CERS3: variants seen among roughly 807,000 people sequenced by gnomAD.
CERS3 encodes the protein ceramide synthase 3.
CERS3 carries 33 observed loss-of-function variants against 50.3 expected under a neutral mutation model. The observed-to-expected ratio is 0.66, with a 90% confidence interval of 0.50 to 0.88. CERS3 has a LOEUF of 0.88. Among genes scored for constraint, CERS3 ranks in the 40% least tolerant of loss-of-function variants. The pLI is 0.00. For synonymous variants in CERS3, 176 were observed against 155.2 expected (o/e 1.13, Z -0.99); for missense variants, 470 against 460.3 (o/e 1.02, Z -0.19).
In CERS3 at chr15:100,419,569, G is replaced by A. The variant is rs1324262895; in HGVS notation, c.1000-16704C>T. On this transcript the variant is annotated intron_variant, in intron 11 of 11. Coordinates refer to ENST00000679737, the MANE Select transcript of CERS3 (RefSeq NM_001378789.1). ...ATACCCAGGAATTGAACTCAGCTCT[G>A]CACCAAGCAGACCTAATAGACATCT... 2.5e-3 allele frequency among the ~76,000 whole-genome samples: 355 copies of A among 140,574 alleles called. 1 individual carries two copies. The highest frequency in any genetic ancestry group is 9.2e-3 in the African/African-American group (345 of 37,402). 92.2% of individuals were successfully genotyped at this position (140,574 alleles called of 152,430 possible).
chr15:100,476,217 C>T, intron 7 of CERS3, 39 bp from the exon 8 acceptor site: 12 of 1,372,158 alleles, frequency 8.7e-6, no homozygotes, highest in Non-Finnish European at 1.2e-5. Flanking sequence ...TAAATGCCAT[C>T]ATAGAAGCAA....
At chr15:100,447,001 T>C (rs1179448651) in intron 11 of CERS3, among the ~76,000 whole-genome samples, 1 of 152,334 alleles carries the variant, frequency 6.6e-6, no homozygotes, top group Admixed American at 6.5e-5. Context: ...CTGAAAGAAA[T>C]TGAAATATTT....
rs907066205 is a variant in CERS3, at chr15:100,401,512, C to A, written c.*1201G>T. On this transcript the variant is annotated 3_prime_UTR_variant, in exon 12 of 12. Coordinates refer to ENST00000679737, the MANE Select transcript of CERS3 (RefSeq NM_001378789.1). The stretch of plus-strand genomic sequence containing the variant: ...CAGGGAGCTGGCACTGACTCTAGCA[C>A]CTGCCCTTAAACATTTCTCAGGGGT... The A allele has an allele frequency of 1.3e-5, 2 of 152,404 alleles. No individual in the cohort carries two copies. The highest frequency in any genetic ancestry group is 2.9e-5 in the Non-Finnish European group (2 of 68,178). The allele number at this position is 152,404 out of a possible 1,614,324, so 9.4% of individuals were successfully genotyped here. A position where few individuals can be genotyped will look rare whatever the true frequency, so the allele number is the denominator to read the frequency against.
In CERS3 at chr15:100,405,239, AAAAAAAAAAC is replaced by A. The variant is rs1244720014; in HGVS notation, c.1000-2384_1000-2375del. On this transcript the variant is annotated intron_variant, in intron 11 of 11. Coordinates refer to ENST00000679737, the MANE Select transcript of CERS3 (RefSeq NM_001378789.1). ...AACTCTCAAAACTCAATGGTAAAAA[AAAAAAAAAAC>A]AAAAAAAAACCCCTAATTTAAAAAA... 7.8e-3 allele frequency among the ~76,000 whole-genome samples: 422 copies of A among 53,934 alleles called. No homozygotes were observed. In the East Asian group the frequency reaches 0.09, roughly 11 times the overall value. 35.4% of individuals were successfully genotyped at this position (53,934 alleles called of 152,430 possible). A position where few individuals can be genotyped will look rare whatever the true frequency, so the allele number is the denominator to read the frequency against.
At chr15:100,503,385 T>C (rs2036068525) in intron 2 of CERS3, among the ~76,000 whole-genome samples, 1 of 152,140 alleles carries the variant, frequency 6.6e-6, no homozygotes, top group Admixed American at 6.5e-5. Context: ...CTTTGGACAA[T>C]AAATCATATG....
At chr15:100,539,541 G>A (rs896075748) in intron 1 of CERS3, among the ~76,000 whole-genome samples, 1 of 152,238 alleles carries the variant, frequency 6.6e-6, no homozygotes, top group African/African-American at 2.4e-5. Context: ...GGGAAGAAAA[G>A]TGCTGAGTGA....
chr15:100,466,840 C>CTCT (rs1555528083), intron 10 of CERS3, among the ~76,000 whole-genome samples: 2,026 of 28,256 alleles, frequency 0.072, 480 homozygotes, highest in Middle Eastern at 0.097. Flanking sequence ...TCCCTCTCTC[C>CTCT]CTCTCTCTTT....
At chr15:100,537,990 G>A (rs1456781971) in intron 1 of CERS3, among the ~76,000 whole-genome samples, 2 of 152,154 alleles carry the variant, frequency 1.3e-5, no homozygotes, top group Non-Finnish European at 2.9e-5. Flanking sequence ...ATTCAAAATG[G>A]GTGAAATTGG....
At chr15:100,431,501 T>G (rs1359140816) in intron 11 of CERS3, among the ~76,000 whole-genome samples, 1 of 152,196 alleles carries the variant, frequency 6.6e-6, no homozygotes. Flanking sequence ...AGTCCACTAA[T>G]TTTGTAATAT....
chr15:100,466,841 C>CTTTCTCTCTTTCTCTTTCTCTCTT (rs1567638733), intron 10 of CERS3, among the ~76,000 whole-genome samples: 1 of 8,776 alleles, frequency 1.1e-4, no homozygotes, highest in South Asian at 9.3e-3. Context: ...CCCTCTCTCC[C>CTTTCTCTCTTTCTCTTTCTCTCTT]TCTCTCTTTC....
chr15:100,432,542 T>C (rs2587813), intron 11 of CERS3, among the ~76,000 whole-genome samples: 41,591 of 152,042 alleles, frequency 0.27, 5,890 homozygotes, highest in East Asian at 0.41. Flanking sequence ...CCTACATCAA[T>C]AGAAACAGAA....
intron 11 of CERS3, among the ~76,000 whole-genome samples, chr15:100,416,107 T>C (rs1331712583): frequency 6.8e-6 from 1 of 147,176 alleles, no homozygotes; most frequent in East Asian, 2.0e-4. Flanking sequence ...AAACTACCAA[T>C]GTAATTTTTC....
chr15:100,468,095 G>A (rs536623788), intron 10 of CERS3, among the ~76,000 whole-genome samples: 2 of 151,908 alleles, frequency 1.3e-5, no homozygotes, highest in East Asian at 1.9e-4. Flanking sequence ...ATCAACCAAG[G>A]AAAATATCTG....
chr15:100,482,944 TAAC>T (rs2035358944), intron 5 of CERS3, among the ~76,000 whole-genome samples: 1 of 152,194 alleles, frequency 6.6e-6, no homozygotes, highest in Non-Finnish European at 1.5e-5. Flanking sequence ...TAGTCCATAA[TAAC>T]TTTTAACTTA....
At chr15:100,453,241 A>G (rs369782174) in intron 11 of CERS3, among the ~76,000 whole-genome samples, 29 of 152,200 alleles carry the variant, frequency 1.9e-4, no homozygotes, top group African/African-American at 6.3e-4. Flanking sequence ...CATAGATACA[A>G]AAATTCTCAA....
chr15:100,428,802 A>C (rs904811447), intron 11 of CERS3, among the ~76,000 whole-genome samples: 1 of 152,272 alleles, frequency 6.6e-6, no homozygotes, highest in African/African-American at 2.4e-5. Context: ...CATGTTAGGA[A>C]GTAGAGAATA....
At chr15:100,461,806 T>C (rs536786589) in intron 10 of CERS3, among the ~76,000 whole-genome samples, 9 of 152,222 alleles carry the variant, frequency 5.9e-5, no homozygotes, top group African/African-American at 1.9e-4. Context: ...GAACATTCTC[T>C]GCAAGAGGAC....
intron 11 of CERS3, among the ~76,000 whole-genome samples, chr15:100,423,201 G>A (rs183560188): frequency 2.9e-4 from 44 of 152,126 alleles, no homozygotes; most frequent in Non-Finnish European, 5.6e-4. Context: ...ACTGTGGAAA[G>A]CATTTTGGAG....
chr15:100,520,344 GT>G (rs976578882), intron 2 of CERS3, among the ~76,000 whole-genome samples: 5 of 152,290 alleles, frequency 3.3e-5, no homozygotes, highest in Admixed American at 3.3e-4. Flanking sequence ...AATGTTAGGG[GT>G]AGGCCTGTCC....
Sources: allele counts gnomAD v4.1 joint callset (sites outside exome capture counted in the v4.1 genomes callset), GRCh38; gene constraint gnomAD v4.1.1; transcripts MANE v1.5; gene names NCBI Gene and HGNC (gene_info 2026-07-23, HGNC 2026-07-21).